Variants in MAML3 observed in about 807,000 individuals in gnomAD.
MAML3 encodes mastermind-like protein 3.
A neutral mutation model predicts 101.9 loss-of-function variants in MAML3; 27 were observed. That is an observed-to-expected ratio of 0.27 (90% CI 0.20 to 0.37). The LOEUF is 0.37. Among genes scored for constraint, MAML3 ranks in the 10% least tolerant of loss-of-function variants. MAML3 has a pLI of 1.00. For synonymous variants in MAML3, 501 were observed against 555.9 expected, an observed-to-expected ratio of 0.90 and a Z score of 1.39; for missense variants, 1,316 against 1,444.9, an observed-to-expected ratio of 0.91 and a Z score of 1.45.
intron 1 of MAML3, among the ~76,000 whole-genome samples, chr4:139,941,524 GTGTTGT>G (rs141468630): frequency 2.0e-5 from 3 of 150,558 alleles, no homozygotes; most frequent in Admixed American, 6.6e-5. Context: ...TAACCCTAAT[GTGTTGT>G]TGTTGTTGTT....
At chr4:140,063,897 G>C (rs1442271433) in intron 1 of MAML3, among the ~76,000 whole-genome samples, 1 of 152,082 alleles carries the variant, frequency 6.6e-6, no homozygotes, top group Non-Finnish European at 1.5e-5. Flanking sequence ...GTGCTCTCTA[G>C]AACACTGAAT....
chr4:139,930,364 C>T (rs1302453697), intron 1 of MAML3, among the ~76,000 whole-genome samples: 4 of 152,026 alleles, frequency 2.6e-5, no homozygotes, highest in Admixed American at 6.6e-5. Flanking sequence ...GGATGAAGAC[C>T]GTTCGCTGGG....
intron 1 of MAML3, among the ~76,000 whole-genome samples, chr4:139,896,821 T>C (rs1160958111): frequency 6.6e-6 from 1 of 152,096 alleles, no homozygotes; most frequent in African/African-American, 2.4e-5. Context: ...CACAAACCTG[T>C]GGGGAAGGCT....
chr4:139,980,172 G>A (rs1327204164), intron 1 of MAML3, among the ~76,000 whole-genome samples: 1 of 152,164 alleles, frequency 6.6e-6, no homozygotes, highest in Non-Finnish European at 1.5e-5. Context: ...CTTTATCTTA[G>A]GGCTTGAGGC....
intron 1 of MAML3, among the ~76,000 whole-genome samples, chr4:140,130,922 AT>A (rs1181102408): frequency 6.6e-6 from 1 of 152,124 alleles, no homozygotes; most frequent in Non-Finnish European, 1.5e-5. Flanking sequence ...CACGTCATGT[AT>A]AAGGTGCTAG....
intron 1 of MAML3, among the ~76,000 whole-genome samples, chr4:140,091,535 A>C (rs866007502): frequency 2.5e-4 from 25 of 98,282 alleles, no homozygotes; most frequent in African/African-American, 6.8e-4. Flanking sequence ...AAAACAACAA[A>C]ACAAAAACAA....
chr4:139,838,386 A>G (rs867836833), intron 2 of MAML3, among the ~76,000 whole-genome samples: 1 of 152,166 alleles, frequency 6.6e-6, no homozygotes, highest in South Asian at 2.1e-4. Flanking sequence ...TACCCTTGAG[A>G]TATTCCCTCT....
chr4:139,980,805 C>T (rs1734430634), intron 1 of MAML3, among the ~76,000 whole-genome samples: 3 of 152,186 alleles, frequency 2.0e-5, no homozygotes, highest in Admixed American at 2.0e-4. Context: ...CATGAATAAA[C>T]AAGTAATAAT....
intron 2 of MAML3, 167 bp from the exon 3 acceptor site, chr4:139,730,834 C>A: frequency 1.6e-6 from 1 of 635,564 alleles, no homozygotes; most frequent in Non-Finnish European, 2.7e-6. Context: ...TCAAACCCGA[C>A]CTTACCTGAG....
At chr4:140,034,339 G>C (rs1726952115) in intron 1 of MAML3, among the ~76,000 whole-genome samples, 1 of 152,198 alleles carries the variant, frequency 6.6e-6, no homozygotes, top group Non-Finnish European at 1.5e-5. Flanking sequence ...AAATGGAGTA[G>C]ATTACTTAGA....
At position 140,101,657 on chromosome 4, in the gene MAML3, C is replaced by T. The variant is rs536785401; in HGVS notation, c.468+51203G>A. 9.9e-5 allele frequency among the ~76,000 whole-genome samples: 15 copies of T among 152,196 alleles called. No individual in the cohort carries two copies. In the East Asian group the frequency reaches 2.9e-3, roughly 29 times the overall value. ...TGCCTAGCTATCACATGAAGAGAAG[C>T]ATACGTGATACCTCTTAGATCAGTG... On this transcript the variant is annotated intron_variant, in intron 1 of 4. Coordinates refer to ENST00000509479, the MANE Select transcript of MAML3 (RefSeq NM_018717.5).
chr4:139,825,074 T>C (rs758171231), intron 2 of MAML3, among the ~76,000 whole-genome samples: 17 of 152,084 alleles, frequency 1.1e-4, no homozygotes, highest in Non-Finnish European at 2.2e-4. Flanking sequence ...CCCTCTCTTT[T>C]GGTGTCGGCT....
intron 1 of MAML3, among the ~76,000 whole-genome samples, chr4:140,148,303 T>A (rs1338894403): frequency 6.6e-6 from 1 of 152,230 alleles, no homozygotes; most frequent in East Asian, 1.9e-4. Context: ...AATGCTTAAC[T>A]AACTCTGCTT....
intron 2 of MAML3, among the ~76,000 whole-genome samples, chr4:139,816,827 T>C (rs1208093465): frequency 1.3e-5 from 2 of 152,124 alleles, no homozygotes; most frequent in Non-Finnish European, 2.9e-5. Context: ...ATTTATCTTG[T>C]CCTATTCCCA....
In MAML3 at chr4:139,716,941, G is replaced by A. The variant is rs1320909955; in HGVS notation, c.*2382C>T. The A allele has an allele frequency of 6.6e-6, 1 of 152,570 alleles. No individual in the cohort carries two copies. The highest frequency in any genetic ancestry group is 1.5e-5 in the Non-Finnish European group (1 of 68,032). The allele number at this position is 152,570 out of a possible 1,614,324, so 9.5% of individuals were successfully genotyped here. ...GGAGCAAGTTGCCAGAGGTCATACA[G>A]TACAAATTAGTAATTAGATGTCATC... On this transcript the variant is annotated 3_prime_UTR_variant, in exon 5 of 5. Coordinates refer to ENST00000509479, the MANE Select transcript of MAML3 (RefSeq NM_018717.5).
chr4:139,987,178 A>G (rs1560857739), intron 1 of MAML3, among the ~76,000 whole-genome samples: 1 of 152,192 alleles, frequency 6.6e-6, no homozygotes, highest in Non-Finnish European at 1.5e-5. Context: ...CCTGCCCTAC[A>G]TTAAGGTTTA....
Position 139,773,353 on chromosome 4 carries a change from G to A in MAML3, c.2080-42686C>T, listed in dbSNP as rs186755236. On this transcript the variant is annotated intron_variant, in intron 2 of 4. Transcript: ENST00000509479. ...TCGGAGTGGTGTTCATCAGATCAGAGACTTAAATCTCTCGCAATGCTTCAG... is the reference window on the plus strand; with the variant it reads ...TCGGAGTGGTGTTCATCAGATCAGAAACTTAAATCTCTCGCAATGCTTCAG... Among the ~76,000 whole-genome samples the A allele has an allele frequency of 3.4e-3, 524 of 152,284 alleles. 4 individuals are homozygous for A. Among genetic ancestry groups the A allele is most frequent in the Non-Finnish European group, 5.2e-3 (356 of 68,042 alleles).
At chr4:140,073,749 T>G (rs1409675563) in intron 1 of MAML3, among the ~76,000 whole-genome samples, 1 of 152,164 alleles carries the variant, frequency 6.6e-6, no homozygotes, top group Non-Finnish European at 1.5e-5. Flanking sequence ...GTGCCTTGAT[T>G]GGAAAGTTCT....
At chr4:140,043,092 G>C (rs1727114998) in intron 1 of MAML3, among the ~76,000 whole-genome samples, 1 of 152,058 alleles carries the variant, frequency 6.6e-6, no homozygotes, top group African/African-American at 2.4e-5. Context: ...TCAAATTCAG[G>C]ACTGTTCCCA....
Sources: gnomAD v4.1 joint callset for allele counts (sites outside exome capture counted in the v4.1 genomes callset) on GRCh38, gnomAD v4.1.1 for gene constraint, MANE v1.5 for transcripts, NCBI Gene and HGNC (gene_info 2026-07-23, HGNC 2026-07-21) for gene names.